VARS1: variants seen among roughly 807,000 people sequenced by gnomAD.
VARS1 encodes the protein valyl-tRNA synthetase 1, also known as valine--tRNA ligase.
VARS1 carries 92 observed loss-of-function variants against 161.0 expected under a neutral mutation model. The ratio of observed to expected loss-of-function variants is 0.57; its 90% CI spans 0.48 to 0.68. The LOEUF is 0.68. Ranked by LOEUF, VARS1 falls within the 30% of genes least tolerant of loss-of-function variation. The probability of loss-of-function intolerance (pLI) is 0.00; values close to 1 mark genes in which losing one functional copy is unlikely to be tolerated. For synonymous variants in VARS1, 595 were observed against 682.5 expected, an observed-to-expected ratio of 0.87 and a Z score of 2.00; for missense variants, 1,338 against 1,695.9, an observed-to-expected ratio of 0.79 and a Z score of 3.71.
In VARS1 at chr6:31,784,962, C is replaced by T. The variant is rs753713609; in HGVS notation, c.1348-248G>A. On this transcript the variant is annotated intron_variant, in intron 10 of 29. Coordinates refer to ENST00000375663, the MANE Select transcript of VARS1 (RefSeq NM_006295.3). This position sits in a 1 kb window ranked among gnomAD's most constrained non-coding sequence, Gnocchi z 6.1. ...AATCAGCTGGGGACAAGTACTGGTG[C>T]AGAGGACACTGGGAGTTCAGGCTCC... Among the ~76,000 whole-genome samples, 5 of 152,184 alleles carry T rather than the reference C, an allele frequency of 3.3e-5. No individual in the cohort carries two copies. The highest frequency in any genetic ancestry group is 7.4e-5 in the Non-Finnish European group (5 of 68,024).
At position 31,781,142 on chromosome 6, in the gene VARS1, G is replaced by T; in HGVS notation, c.2545-19C>A. 6.2e-7 allele frequency: 1 copy of T among 1,611,826 alleles called. No individual in the cohort carries two copies. Among genetic ancestry groups the T allele is most frequent in the Non-Finnish European group, 8.5e-7 (1 of 1,179,630 alleles). On this transcript the variant is annotated intron_variant, in intron 21 of 29. Coordinates refer to ENST00000375663, the MANE Select transcript of VARS1 (RefSeq NM_006295.3). The surrounding 1 kb of genome is among the most constrained non-coding windows in gnomAD (Gnocchi z 6.8). The stretch of plus-strand genomic sequence containing the variant: ...GGTAGACCTGCAGAGCAGGTGGGGA[G>T]GCCCATGAGACTCAGTCCTCTCCTT...
chr6:31,785,549 C>T lies in VARS1; in HGVS notation c.1265+20G>A, dbSNP rs538475865. 7.6e-6 allele frequency: 12 copies of T among 1,588,300 alleles called. No homozygotes were observed. The highest frequency in any genetic ancestry group is 2.3e-5 in the East Asian group (1 of 44,106). ...CAGGGAGGCAGGGCTGCGATGCCCA[C>T]AGGGATGCTGCATACTCACTCCTCC... On this transcript the variant is annotated intron_variant, in intron 9 of 29. Transcript: ENST00000375663. The surrounding 1 kb of genome is among the most constrained non-coding windows in gnomAD (Gnocchi z 6.1).
chr6:31,781,811 C>T lies in VARS1; in HGVS notation c.2347+36G>A, dbSNP rs932437475. 1.2e-6 allele frequency: 2 copies of T among 1,613,004 alleles called. No homozygotes were observed. Among genetic ancestry groups the T allele is most frequent in the Admixed American group, 1.7e-5 (1 of 60,028 alleles). ...TCAGAGGGAGTGGAGCTCTGCCCCC[C>T]ACAACTCCCTCCAGACCCTCAAAGC... On this transcript the variant is annotated intron_variant, in intron 19 of 29. Transcript: ENST00000375663. The surrounding 1 kb of genome is among the most constrained non-coding windows in gnomAD (Gnocchi z 6.8).
intron 3 of VARS1, 31 bp from the exon 4 acceptor site, chr6:31,792,926 T>A: frequency 6.2e-7 from 1 of 1,614,200 alleles, no homozygotes; most frequent in South Asian, 1.1e-5. Flanking sequence ...CTCTTCTCAG[T>A]CACCCTACAG....
Position 31,781,928 on chromosome 6 carries a change from T to A in VARS1, c.2266A>T (p.Ser756Cys). ...CGGGCCTCCGCCTCATTGCGTCCACTCACCCAGTACCGCCCATCAGGGTCC... is the reference window on the plus strand; with the variant it reads ...CGGGCCTCCGCCTCATTGCGTCCACACACCCAGTACCGCCCATCAGGGTCC... ...GEDPDGRYWV[S>C]GRNEAEAREK... Residue 756 changes from serine (S) to cysteine (C), a missense_variant, in exon 19 of 30, where the codon AGT (serine) becomes TGT (cysteine). Ser to Cys is a moderately radical substitution (Grantham distance 112, BLOSUM62 -1). Around this residue, in one of 3 missense-constraint regions of VARS1, gnomAD observed 902 missense variants for 1,090.3 expected, o/e 0.83. Transcript: ENST00000375663. The surrounding 1 kb of genome is among the most constrained non-coding windows in gnomAD (Gnocchi z 6.8). 6.2e-7 allele frequency: 1 copy of A among 1,612,946 alleles called. No individual in the cohort carries two copies. The highest frequency in any genetic ancestry group is 8.5e-7 in the Non-Finnish European group (1 of 1,180,010).
At position 31,794,975 on chromosome 6, in the gene VARS1, T is replaced by G; in HGVS notation, c.243A>C (p.Pro81=). The change falls in exon 2 of 30, where the codon CCA becomes CCC. Residue 81 remains proline (P), a synonymous_variant. Transcript: ENST00000375663. ...GATAVAQLLW[P]AGLGGPGGSR... ...TGCCCCCTGGGCCCCCCAGGCCTGC[T>G]GGCCACAGCAGCTGGGCCACAGCCG... 1 of 1,611,746 alleles carries G rather than the reference T, an allele frequency of 6.2e-7. No individual in the cohort carries two copies. The highest frequency in any genetic ancestry group is 1.1e-5 in the South Asian group (1 of 91,040).
In VARS1 at chr6:31,792,796, C is replaced by A. The variant is rs776527262; in HGVS notation, c.622G>T (p.Val208Phe). 2.3e-5 allele frequency: 37 copies of A among 1,614,214 alleles called. No individual in the cohort carries two copies. Among genetic ancestry groups the A allele is most frequent in the Non-Finnish European group, 3.0e-5 (35 of 1,180,044 alleles). ...PEFRAVLGEVVLYSGARPLSH... is the reference protein window; with the variant it reads ...PEFRAVLGEVFLYSGARPLSH... ...AGAGGCCTGGCTCCTGAGTATAGAACCACTTCTCCTAGCACGGCTCGGAAT... is the reference window on the plus strand; with the variant it reads ...AGAGGCCTGGCTCCTGAGTATAGAAACACTTCTCCTAGCACGGCTCGGAAT... Residue 208 changes from valine to phenylalanine, a missense_variant, in exon 4 of 30, where the codon GTT becomes TTT. Val to Phe is a conservative substitution (Grantham distance 50, BLOSUM62 -1). Around this residue, in one of 3 missense-constraint regions of VARS1, gnomAD observed 902 missense variants for 1,090.3 expected, o/e 0.83. Coordinates refer to ENST00000375663, the MANE Select transcript of VARS1 (RefSeq NM_006295.3).
chr6:31,793,270 C>A (rs1814015624), intron 2 of VARS1, 150 bp from the exon 3 acceptor site: 3 of 1,155,568 alleles, frequency 2.6e-6, no homozygotes, highest in South Asian at 3.5e-5. Context: ...AATAAAAATA[C>A]TTCTGGGCGG....
chr6:31,778,829 G>A lies in VARS1; in HGVS notation c.3726+138C>T, dbSNP rs1581628792. 8.4e-7 allele frequency: 1 copy of A among 1,186,406 alleles called. No individual in the cohort carries two copies. The highest frequency in any genetic ancestry group is 1.5e-5 in the African/African-American group (1 of 65,378). 73.5% of individuals were successfully genotyped at this position (1,186,406 alleles called of 1,614,324 possible). ...GCTGTTTTGTTTTTTAAGGCTAGTG[G>A]GAGTGGAGAAGGAACAAAGAAATCT... On this transcript the variant is annotated intron_variant, in intron 29 of 29. Coordinates refer to ENST00000375663, the MANE Select transcript of VARS1 (RefSeq NM_006295.3). The surrounding 1 kb of genome is among the most constrained non-coding windows in gnomAD (Gnocchi z 5.1).
chr6:31,781,980 G>A lies in VARS1; in HGVS notation c.2242-28C>T, dbSNP rs1452086683. ...GCCACAGGTGCAGTGATTACCCAAG[G>A]GGGTGTGTCTGCTTCTGGCTCACCC... On this transcript the variant is annotated intron_variant, in intron 18 of 29. Coordinates refer to ENST00000375663, the MANE Select transcript of VARS1 (RefSeq NM_006295.3). The surrounding 1 kb of genome is among the most constrained non-coding windows in gnomAD (Gnocchi z 6.8). 12 of 1,613,022 alleles carry A rather than the reference G, an allele frequency of 7.4e-6. No homozygotes were observed. The African/African-American group carries it at 1.2e-4, about 16-fold the overall frequency.
chr6:31,781,939 C>T lies in VARS1; in HGVS notation c.2255G>A (p.Arg752Gln), dbSNP rs376163798. ...CTCATTGCGTCCACTCACCCAGTAC[C>T]GCCCATCAGGGTCCTGCCACAGGTG... is the stretch of plus-strand genomic sequence containing the variant. Reference protein sequence around the residue: ...AVPPGEDPDGRYWVSGRNEAE... With the variant: ...AVPPGEDPDGQYWVSGRNEAE... Residue 752 changes from arginine (R) to glutamine (Q), a missense_variant, in exon 19 of 30, where the codon CGG (arginine) becomes CAG (glutamine). By Grantham distance (43) the Arg-to-Gln change is conservative. This residue lies in a region of VARS1 where 902 missense variants were observed against 1,090.3 expected (regional missense o/e 0.83). Coordinates refer to ENST00000375663, the MANE Select transcript of VARS1 (RefSeq NM_006295.3). The surrounding 1 kb of genome is among the most constrained non-coding windows in gnomAD (Gnocchi z 6.8). 9.9e-6 allele frequency: 16 copies of T among 1,612,898 alleles called. No homozygotes were observed. The highest frequency in any genetic ancestry group is 4.0e-5 in the African/African-American group (3 of 74,922).
chr6:31,781,092 T>A lies in VARS1; in HGVS notation c.2576A>T (p.His859Leu). 6.2e-7 allele frequency: 1 copy of A among 1,613,282 alleles called. No individual in the cohort carries two copies. Among genetic ancestry groups the A allele is most frequent in the Non-Finnish European group, 8.5e-7 (1 of 1,179,914 alleles). ...TAGAGACTTGCTCATCTTCCGGCCG[T>A]GAGCATCTCGCACGATGGCATGGAG... ...VYLHAIVRDA[H>L]GRKMSKSLGN... is the part of the protein sequence containing the mutation. Residue 859 changes from histidine (H) to leucine (L), a missense_variant, in exon 22 of 30, where the codon CAC becomes CTC. His to Leu is a moderately conservative substitution (Grantham distance 99, BLOSUM62 -3). Transcript: ENST00000375663. This position sits in a 1 kb window ranked among gnomAD's most constrained non-coding sequence, Gnocchi z 6.8.
chr6:31,783,200 G>C lies in VARS1; in HGVS notation c.1672-14C>G, dbSNP rs1287095693. 6.2e-7 allele frequency: 1 copy of C among 1,611,256 alleles called. No individual in the cohort carries two copies. The highest frequency in any genetic ancestry group is 1.7e-5 in the Admixed American group (1 of 59,778). On this transcript the variant is annotated splice_polypyrimidine_tract_variant and intron_variant, in intron 13 of 29. Coordinates refer to ENST00000375663, the MANE Select transcript of VARS1 (RefSeq NM_006295.3). ...CCCCTTCAGGTGCTGGGGGCGGAAA[G>C]ATACCAAAAACGCATGAAGCAGGGC... is the stretch of plus-strand genomic sequence containing the variant.
chr6:31,780,365 G>A lies in VARS1; in HGVS notation c.2925+76C>T. 1.9e-6 allele frequency: 3 copies of A among 1,564,736 alleles called. No homozygotes were observed. The highest frequency in any genetic ancestry group is 2.6e-6 in the Non-Finnish European group (3 of 1,154,696). On this transcript the variant is annotated intron_variant, in intron 25 of 29. Coordinates refer to ENST00000375663, the MANE Select transcript of VARS1 (RefSeq NM_006295.3). The surrounding 1 kb of genome is among the most constrained non-coding windows in gnomAD (Gnocchi z 5.1). The stretch of plus-strand genomic sequence containing the variant: ...GTCTCTGTGTCTATCTGTCCCCCCA[G>A]CTACATGGAGGCTGCTCCGGACAGG...
In VARS1 at chr6:31,778,377, C is replaced by T. The variant is rs1353333019; in HGVS notation, c.3726+590G>A. Among the ~76,000 whole-genome samples, 1 of 152,198 alleles carries T rather than the reference C, an allele frequency of 6.6e-6. No homozygotes were observed. The highest frequency in any genetic ancestry group is 1.5e-5 in the Non-Finnish European group (1 of 68,034). The stretch of plus-strand genomic sequence containing the variant: ...GTGTGACCCTGGGTTGTGCCCAGCC[C>T]CCAGCTGCTCCCCATGTGTAAGGGG... On this transcript the variant is annotated intron_variant, in intron 29 of 29. Coordinates refer to ENST00000375663, the MANE Select transcript of VARS1 (RefSeq NM_006295.3). This position sits in a 1 kb window ranked among gnomAD's most constrained non-coding sequence, Gnocchi z 5.1.
rs1051628034 is a variant in VARS1, at chr6:31,781,819, C to T, written c.2347+28G>A. On this transcript the variant is annotated intron_variant, in intron 19 of 29. Transcript: ENST00000375663. This position sits in a 1 kb window ranked among gnomAD's most constrained non-coding sequence, Gnocchi z 6.8. ...AGTGGAGCTCTGCCCCCCACAACTC[C>T]CTCCAGACCCTCAAAGCCCCGCCTT... 1.2e-6 allele frequency: 2 copies of T among 1,613,024 alleles called. No individual in the cohort carries two copies. The highest frequency in any genetic ancestry group is 1.7e-5 in the Admixed American group (1 of 60,028).
rs116047950 is a variant in VARS1 at position 31,782,362 on chromosome 6, G to A, written c.2073C>T (p.Ala691=). The A allele has an allele frequency of 3.4e-4, 552 of 1,612,716 alleles. 1 individual carries two copies. In the African/African-American group the frequency reaches 6.9e-3, roughly 20 times the overall value. ...TGCGGAGGTCACCCCGAGTCACAGC[G>A]GCGCTGGCAGCCTGGGCCATCTCCC... ...RCGEMAQAAS[A]AVTRGDLRIL... Residue 691 remains alanine (A), a synonymous_variant, in exon 17 of 30, where the codon GCC becomes GCT. Transcript: ENST00000375663. The surrounding 1 kb of genome is among the most constrained non-coding windows in gnomAD (Gnocchi z 8.3).
chr6:31,790,593 A>G (rs1258573435), intron 8 of VARS1, among the ~76,000 whole-genome samples: 2 of 141,284 alleles, frequency 1.4e-5, no homozygotes, highest in African/African-American at 5.4e-5. Flanking sequence ...AAAGAGTGAA[A>G]CTCTGTCTCA....
In VARS1 at chr6:31,780,008, T is replaced by A. The variant is rs1416810943; in HGVS notation, c.3071A>T (p.Asp1024Val). The change falls in exon 26 of 30, where the codon GAT becomes GTT. Residue 1024 changes from aspartate to valine, a missense_variant. Transcript: ENST00000375663. This position sits in a 1 kb window ranked among gnomAD's most constrained non-coding sequence, Gnocchi z 5.1. ...QYSFWLYELC[D>V]VYLECLKPVL... The stretch of plus-strand genomic sequence containing the variant: ...TGTGCTCCTTCTCACCAAGTAGACA[T>A]CACAGAGCTCATAGAGCCAGAAGCT... The A allele has an allele frequency of 1.2e-6, 2 of 1,613,784 alleles. No homozygotes were observed. The highest frequency in any genetic ancestry group is 1.7e-6 in the Non-Finnish European group (2 of 1,180,020).
Sources: allele counts gnomAD v4.1 joint callset (sites outside exome capture counted in the v4.1 genomes callset), GRCh38; gene constraint gnomAD v4.1.1; regional missense constraint gnomAD v4.1.1; non-coding constraint Gnocchi (gnomAD v3.1); transcripts MANE v1.5; gene names NCBI Gene and HGNC (gene_info 2026-07-23, HGNC 2026-07-21).